NCOA7: variants seen among roughly 807,000 people sequenced by gnomAD.
NCOA7 encodes the protein nuclear receptor coactivator 7, also known as 140 kDa estrogen receptor-associated protein.
Under a neutral mutation model 104.3 loss-of-function variants are expected in NCOA7, and 45 were observed. The ratio of observed to expected loss-of-function variants is 0.43; its 90% CI spans 0.34 to 0.55. The LOEUF (loss-of-function observed/expected upper bound fraction) is 0.55. NCOA7 is among the 20% of genes least tolerant of loss of function. The probability of loss-of-function intolerance (pLI) is 0.02; values close to 1 mark genes in which losing one functional copy is unlikely to be tolerated. For synonymous variants in NCOA7, 398 were observed against 402.3 expected (o/e 0.99, Z 0.13); for missense variants, 1,041 against 1,119.7 (o/e 0.93, Z 1.00).
At position 125,863,265 on chromosome 6, in the gene NCOA7, G is replaced by A. The variant is rs543110865; in HGVS notation, c.271+8025G>A. Among the ~76,000 whole-genome samples the A allele has an allele frequency of 4.6e-4, 63 of 137,842 alleles. 16 individuals are homozygous for A. Among genetic ancestry groups the A allele is most frequent in the African/African-American group, 1.9e-3 (62 of 33,070 alleles). The allele number at this position is 137,842 out of a possible 152,430, so 90.4% of individuals were successfully genotyped here. On this transcript the variant is annotated intron_variant, in intron 3 of 15. Coordinates refer to ENST00000392477, the MANE Select transcript of NCOA7 (RefSeq NM_181782.5). ...CCTTTCCTGACCTCTCACAGCCCCA[G>A]CACTCTAATTAACACAATATTTTGT...
intron 1 of NCOA7, among the ~76,000 whole-genome samples, chr6:125,811,648 C>T (rs1777015126): frequency 6.6e-6 from 1 of 152,128 alleles, no homozygotes; most frequent in African/African-American, 2.4e-5. Flanking sequence ...GTTCAAACCA[C>T]AGTGTGAAAC....
intron 10 of NCOA7, among the ~76,000 whole-genome samples, chr6:125,913,954 A>G (rs1398828614): frequency 1.3e-5 from 2 of 152,244 alleles, no homozygotes; most frequent in East Asian, 3.8e-4. Context: ...TATATAAACT[A>G]AAAGGATAAG....
intron 1 of NCOA7, among the ~76,000 whole-genome samples, chr6:125,792,486 C>G (rs973330883): frequency 1.3e-5 from 2 of 152,016 alleles, no homozygotes; most frequent in Non-Finnish European, 2.9e-5. Context: ...TAAGTTACGC[C>G]AGAGGAAACA....
At chr6:125,913,626 G>A (rs1437993504) in intron 10 of NCOA7, 5 of 981,408 alleles carry the variant, frequency 5.1e-6, no homozygotes, top group Admixed American at 6.2e-5. Context: ...CTTGTTTTAG[G>A]TAACAACAGT....
chr6:125,898,440 A>C (rs1420493652), intron 10 of NCOA7, among the ~76,000 whole-genome samples: 1 of 152,224 alleles, frequency 6.6e-6, no homozygotes, highest in Non-Finnish European at 1.5e-5. Context: ...TACCTCAGCT[A>C]TCAGTTTGCC....
intron 8 of NCOA7, among the ~76,000 whole-genome samples, chr6:125,885,555 AAAAC>A (rs1451582313): frequency 6.6e-6 from 1 of 152,192 alleles, no homozygotes; most frequent in African/African-American, 2.4e-5. Context: ...TTAAAGGAGA[AAAAC>A]AAAGAAGCCG....
intron 2 of NCOA7, among the ~76,000 whole-genome samples, chr6:125,819,892 G>A (rs1778005887): frequency 1.3e-5 from 2 of 152,142 alleles, no homozygotes; most frequent in Admixed American, 1.3e-4. Flanking sequence ...CATTTTTTCA[G>A]GATCAAGCGT....
chr6:125,912,105 T>G (rs540245639), intron 10 of NCOA7, among the ~76,000 whole-genome samples: 1 of 152,330 alleles, frequency 6.6e-6, no homozygotes, highest in Non-Finnish European at 1.5e-5. Context: ...TCGAGGCTTT[T>G]CAGACCTTCA....
At chr6:125,861,031 A>T (rs1583402607) in intron 3 of NCOA7, among the ~76,000 whole-genome samples, 1 of 152,242 alleles carries the variant, frequency 6.6e-6, no homozygotes, top group East Asian at 1.9e-4. Flanking sequence ...GTAGTCAAAG[A>T]TTTATTTAAA....
rs546037357 is a variant in NCOA7, at chr6:125,900,096, T to G, written c.2096+9286T>G. 3.0e-5 allele frequency: 16 copies of G among 524,766 alleles called. No individual in the cohort carries two copies. The African/African-American group carries it at 3.1e-4, about 10-fold the overall frequency. 32.5% of individuals were successfully genotyped at this position (524,766 alleles called of 1,614,324 possible). A position where few individuals can be genotyped will look rare whatever the true frequency, so the allele number is the denominator to read the frequency against. Reference sequence around the variant, plus strand: ...CTGTGGAATGGGGGTAAAGGAAGCATGAGGCCAGGGTTAATTATAGAGCTC... The same window carrying G: ...CTGTGGAATGGGGGTAAAGGAAGCAGGAGGCCAGGGTTAATTATAGAGCTC... On this transcript the variant is annotated intron_variant, in intron 10 of 15. Coordinates refer to ENST00000392477, the MANE Select transcript of NCOA7 (RefSeq NM_181782.5).
chr6:125,804,092 G>T (rs1776181688), intron 1 of NCOA7, among the ~76,000 whole-genome samples: 1 of 152,164 alleles, frequency 6.6e-6, no homozygotes. Context: ...TTTGGATAAT[G>T]AGATTGAGTT....
At chr6:125,784,559 C>T (rs770255159) in intron 1 of NCOA7, among the ~76,000 whole-genome samples, 6 of 152,190 alleles carry the variant, frequency 3.9e-5, no homozygotes, top group Non-Finnish European at 5.9e-5. Flanking sequence ...AAAATGAAAA[C>T]TTATGTTCAC....
chr6:125,867,933 A>G lies in NCOA7; in HGVS notation c.272-6956A>G, dbSNP rs574803913. On this transcript the variant is annotated intron_variant, in intron 3 of 15. Transcript: ENST00000392477. ...GGCCTCACCAGTGCGGTGTTTCGGT[A>G]ATAAGCCCGCTTCTATAGACCTGGA... is the stretch of plus-strand genomic sequence containing the variant. Among the ~76,000 whole-genome samples the G allele has an allele frequency of 3.9e-5, 6 of 152,310 alleles. No individual in the cohort carries two copies. The South Asian group carries it at 1.0e-3, about 26-fold the overall frequency.
rs945516688 is a variant in NCOA7 at position 125,812,502 on chromosome 6, C to A, written c.-64-2789C>A. Among the ~76,000 whole-genome samples, 56 of 152,282 alleles carry A rather than the reference C, an allele frequency of 3.7e-4. 1 individual carries two copies. The highest frequency in any genetic ancestry group is 1.3e-3 in the African/African-American group (53 of 41,554). On this transcript the variant is annotated intron_variant, in intron 1 of 15. Transcript: ENST00000392477. ...TAGTAAGAGCTGAGACTGTGTACTC[C>A]CATGTTTCTGTACAGGGCTGAATGA...
intron 1 of NCOA7, among the ~76,000 whole-genome samples, chr6:125,805,780 C>T (rs940065383): frequency 6.6e-6 from 1 of 152,042 alleles, no homozygotes; most frequent in African/African-American, 2.4e-5. Context: ...CTATTTGGGG[C>T]GGATTTGAAT....
At chr6:125,877,352 C>T (rs919770352) in intron 4 of NCOA7, among the ~76,000 whole-genome samples, 1 of 152,318 alleles carries the variant, frequency 6.6e-6, no homozygotes, top group South Asian at 2.1e-4. Flanking sequence ...TCAAGGCTCA[C>T]CTGGTGGAGC....
intron 8 of NCOA7, among the ~76,000 whole-genome samples, chr6:125,886,047 G>C (rs1268761041): frequency 2.0e-5 from 3 of 151,698 alleles, no homozygotes; most frequent in Non-Finnish European, 4.4e-5. Flanking sequence ...TCGCTCTACT[G>C]TGTCTGTTTC....
chr6:125,867,951 G>C (rs905789262), intron 3 of NCOA7, among the ~76,000 whole-genome samples: 14 of 152,190 alleles, frequency 9.2e-5, no homozygotes, highest in Non-Finnish European at 1.6e-4. Flanking sequence ...CGCTTCTATA[G>C]ACCTGGAAGT....
At chr6:125,789,301 G>A (rs143692805), upstream of NCOA7, among the ~76,000 whole-genome samples, 18 of 152,332 alleles carry the variant, frequency 1.2e-4, no homozygotes, top group African/African-American at 4.3e-4. Flanking sequence ...AGCTCCCACA[G>A]GGCCTCACAC....
Sources: allele counts gnomAD v4.1 joint callset (sites outside exome capture counted in the v4.1 genomes callset), GRCh38; gene constraint gnomAD v4.1.1; transcripts MANE v1.5; gene names NCBI Gene and HGNC (gene_info 2026-07-23, HGNC 2026-07-21).